The following NXN variants were observed in gnomAD, a reference collection of about 807,000 sequenced individuals.
NXN encodes the protein nucleoredoxin 1.
NXN carries 16 observed loss-of-function variants against 48.6 expected under a neutral mutation model. The observed-to-expected ratio is 0.33, with a 90% CI of 0.22 to 0.50. The LOEUF is 0.50. Ranked by LOEUF, NXN falls within the 20% of genes least tolerant of loss-of-function variation. NXN has a pLI of 0.98. For missense variants in NXN, 492 were observed against 605.5 expected (o/e 0.81, Z 1.97); for synonymous variants, 281 against 269.6 (o/e 1.04, Z -0.41).
At chr17:812,151 TCTC>T (rs1912084617) in intron 5 of NXN, among the ~76,000 whole-genome samples, 1 of 151,014 alleles carries the variant, frequency 6.6e-6, no homozygotes, top group Non-Finnish European at 1.5e-5. Flanking sequence ...ACGGTCTCGA[TCTC>T]CTGACCTCGT....
chr17:950,453 G>C (rs1347991594), intron 1 of NXN, among the ~76,000 whole-genome samples: 1 of 151,288 alleles, frequency 6.6e-6, no homozygotes, highest in Non-Finnish European at 1.5e-5. Context: ...TTTCAGGGGT[G>C]TGTGGGGTGC....
chr17:847,832 G>A (rs2067881288), intron 1 of NXN, among the ~76,000 whole-genome samples: 1 of 152,126 alleles, frequency 6.6e-6, no homozygotes, highest in Admixed American at 6.5e-5. Flanking sequence ...TGTGAGACCC[G>A]CAAACATATG....
intron 1 of NXN, among the ~76,000 whole-genome samples, chr17:912,486 A>G (rs969505807): frequency 2.0e-5 from 3 of 152,020 alleles, no homozygotes; most frequent in African/African-American, 7.2e-5. Flanking sequence ...CCTTGCCAAC[A>G]CTGTATGTTA....
intron 5 of NXN, among the ~76,000 whole-genome samples, chr17:812,773 G>GGTGTGTGCATGTGTGTAGGT: frequency 6.9e-6 from 1 of 145,550 alleles, no homozygotes; most frequent in African/African-American, 2.5e-5. Flanking sequence ...TGTGAGTGTA[G>GGTGTGTGCATGTGTGTAGGT]GTGTGTGCAT....
At chr17:965,668 G>T (rs187084556) in intron 1 of NXN, among the ~76,000 whole-genome samples, 19 of 152,196 alleles carry the variant, frequency 1.2e-4, no homozygotes, top group Admixed American at 1.1e-3. Flanking sequence ...TCTATCCCCA[G>T]ACTCAGGCTA....
At position 917,906 on chromosome 17, in the gene NXN, A is replaced by C. The variant is rs2068704805; in HGVS notation, c.360+61413T>G. ...GTGAAGAAGAATGTGGTCTGTATTC[A>C]GTTTTGTTGACAAGAACCCCTAATG... On this transcript the variant is annotated intron_variant, in intron 1 of 7. Coordinates refer to ENST00000336868, the MANE Select transcript of NXN (RefSeq NM_022463.5). The surrounding 1 kb of genome is among the most constrained non-coding windows in gnomAD (Gnocchi z 4.5). 6.6e-6 allele frequency among the ~76,000 whole-genome samples: 1 copy of C among 152,356 alleles called. No homozygotes were observed. Among genetic ancestry groups the C allele is most frequent in the South Asian group, 2.1e-4 (1 of 4,824 alleles).
chr17:863,635 T>C (rs1298030593), intron 1 of NXN, among the ~76,000 whole-genome samples: 4 of 152,132 alleles, frequency 2.6e-5, no homozygotes, highest in Non-Finnish European at 5.9e-5. Flanking sequence ...TAATTTTTAA[T>C]ATTATTTGTA....
chr17:919,410 C>T lies in NXN; in HGVS notation c.360+59909G>A, dbSNP rs528124306. 2.4e-4 allele frequency among the ~76,000 whole-genome samples: 37 copies of T among 152,084 alleles called. No individual in the cohort carries two copies. The highest frequency in any genetic ancestry group is 4.6e-4 in the Non-Finnish European group (31 of 68,014). On this transcript the variant is annotated intron_variant, in intron 1 of 7. Transcript: ENST00000336868. This position sits in a 1 kb window ranked among gnomAD's most constrained non-coding sequence, Gnocchi z 5.1. Reference sequence around the variant, plus strand: ...TGGAATGATTATTCCAATTAAACAGCTTTTATTACAATACTCTGTCAATGC... The same window carrying T: ...TGGAATGATTATTCCAATTAAACAGTTTTTATTACAATACTCTGTCAATGC...
chr17:903,855 C>T (rs2068558698), intron 1 of NXN, among the ~76,000 whole-genome samples: 1 of 152,222 alleles, frequency 6.6e-6, no homozygotes, highest in Non-Finnish European at 1.5e-5. Flanking sequence ...TGCCTTCATT[C>T]AGGGTAGACC....
At chr17:817,962 A>G (rs1912573685) in intron 5 of NXN, among the ~76,000 whole-genome samples, 1 of 151,726 alleles carries the variant, frequency 6.6e-6, no homozygotes, top group African/African-American at 2.4e-5. Flanking sequence ...AGTCTCATTA[A>G]CAATCATTAT....
chr17:897,171 G>A (rs371184448), intron 1 of NXN, among the ~76,000 whole-genome samples: 33 of 152,182 alleles, frequency 2.2e-4, no homozygotes, highest in African/African-American at 7.2e-5. Flanking sequence ...AGGCAAGTCC[G>A]AGCCAGGCTT....
chr17:845,833 G>A (rs901420166), intron 1 of NXN, among the ~76,000 whole-genome samples: 3 of 152,246 alleles, frequency 2.0e-5, no homozygotes, highest in Non-Finnish European at 2.9e-5. Context: ...TCGGGAGGCC[G>A]AGGAGGAGGC....
Position 908,912 on chromosome 17 carries a change from G to A in NXN, c.360+70407C>T, listed in dbSNP as rs1045907236. Among the ~76,000 whole-genome samples, 3 of 152,190 alleles carry A rather than the reference G, an allele frequency of 2.0e-5. No homozygotes were observed. In the East Asian group the frequency reaches 5.8e-4, roughly 29 times the overall value. On this transcript the variant is annotated intron_variant, in intron 1 of 7. Coordinates refer to ENST00000336868, the MANE Select transcript of NXN (RefSeq NM_022463.5). ...AGGTCAGGAGTTTGAGACCAGCCTG[G>A]CCAACATGGTGAAACCCCCGTCTCT...
intron 1 of NXN, among the ~76,000 whole-genome samples, chr17:903,849 T>A (rs920430070): frequency 1.3e-5 from 2 of 152,196 alleles, no homozygotes; most frequent in African/African-American, 4.8e-5. Context: ...GACGCCTGCC[T>A]TCATTCAGGG....
In NXN at chr17:979,669, A is replaced by G; in HGVS notation, c.10T>C (p.Phe4Leu). The G allele has an allele frequency of 6.8e-7, 1 of 1,465,204 alleles. No homozygotes were observed. Among genetic ancestry groups the G allele is most frequent in the Non-Finnish European group, 9.0e-7 (1 of 1,107,096 alleles). 90.8% of individuals were successfully genotyped at this position (1,465,204 alleles called of 1,614,324 possible). ...TTCTCGCCGAGCAGCTCCTCCAGGA[A>G]GCCCGACATCCTGGCCCACCGCAGG... Reference protein sequence around the residue: MSGFLEELLGEKLV... With the variant: MSGLLEELLGEKLV... The change falls in exon 1 of 8, where the codon TTC becomes CTC. Residue 4 changes from phenylalanine to leucine, a missense_variant. Physicochemically the swap from Phe to Leu is conservative, Grantham distance 22 (BLOSUM62 0). Coordinates refer to ENST00000336868, the MANE Select transcript of NXN (RefSeq NM_022463.5).
intron 1 of NXN, among the ~76,000 whole-genome samples, chr17:941,878 C>T (rs2068979491): frequency 2.9e-5 from 2 of 69,758 alleles, no homozygotes; most frequent in African/African-American, 1.3e-4. Flanking sequence ...TTACAGCGAA[C>T]AAGATTCCAG....
intron 1 of NXN, among the ~76,000 whole-genome samples, chr17:942,177 G>C (rs1451258433): frequency 7.1e-6 from 1 of 141,016 alleles, no homozygotes; most frequent in African/African-American, 2.8e-5. Flanking sequence ...ATTCCAGGGC[G>C]CAGCCATGAA....
intron 1 of NXN, among the ~76,000 whole-genome samples, chr17:841,496 GCGCA>G (rs1914244427): frequency 7.1e-6 from 1 of 139,974 alleles, no homozygotes; most frequent in Non-Finnish European, 1.6e-5. Flanking sequence ...CCTGACCACG[GCGCA>G]TCTCACACGG....
intron 1 of NXN, among the ~76,000 whole-genome samples, chr17:957,802 CTT>C (rs1426950870): frequency 6.6e-6 from 1 of 152,104 alleles, no homozygotes; most frequent in African/African-American, 2.4e-5. Context: ...CCCAGACTCT[CTT>C]TCTCAGTCCA....
Sources: gnomAD v4.1 joint callset for allele counts (sites outside exome capture counted in the v4.1 genomes callset) on GRCh38, gnomAD v4.1.1 for gene constraint, Gnocchi (gnomAD v3.1) non-coding constraint, MANE v1.5 for transcripts, NCBI Gene and HGNC (gene_info 2026-07-23, HGNC 2026-07-21) for gene names.